The following PBX3 variants were observed in gnomAD, a reference collection of about 807,000 sequenced individuals.
PBX3 encodes the protein PBX homeobox 3.
PBX3 carries 14 observed loss-of-function variants against 48.5 expected under a neutral mutation model. That is an observed-to-expected ratio of 0.29 (90% confidence interval 0.19 to 0.45). The LOEUF (loss-of-function observed/expected upper bound fraction) is 0.45. Among genes scored for constraint, PBX3 ranks in the 20% least tolerant of loss-of-function variants. The probability of loss-of-function intolerance (pLI) is 1.00; values close to 1 mark genes in which losing one functional copy is unlikely to be tolerated. For missense variants in PBX3, 386 were observed against 546.7 expected (o/e 0.71, Z 2.93); for synonymous variants, 210 against 200.3 (o/e 1.05, Z -0.41).
Position 125,795,027 on chromosome 9 carries a change from A to G in PBX3, c.274+46404A>G, listed in dbSNP as rs777169575. On this transcript the variant is annotated intron_variant, in intron 2 of 8. Coordinates refer to ENST00000373489, the MANE Select transcript of PBX3 (RefSeq NM_006195.6). ...ACCAGCCTTTTACTAATGGTGGTGT[A>G]CAAATAGCCACTGGCTTCATCCTCA... Among the ~76,000 whole-genome samples the G allele has an allele frequency of 1.2e-4, 18 of 152,370 alleles. No homozygotes were observed. In the South Asian group the frequency reaches 1.2e-3, roughly 11 times the overall value.
intron 2 of PBX3, among the ~76,000 whole-genome samples, chr9:125,826,463 T>C (rs1200245387): frequency 1.3e-5 from 2 of 152,136 alleles, no homozygotes; most frequent in Non-Finnish European, 2.9e-5. Context: ...CATTGGTGAT[T>C]ATGGGATTTT....
intron 5 of PBX3, among the ~76,000 whole-genome samples, chr9:125,954,410 T>C (rs928074855): frequency 2.0e-5 from 3 of 152,254 alleles, no homozygotes; most frequent in African/African-American, 7.2e-5. Flanking sequence ...AATTTCCATA[T>C]ATTCCTTTTG....
At chr9:125,960,978 A>C in intron 6 of PBX3, 129 bp downstream of exon 6, 1 of 917,714 alleles carries the variant, frequency 1.1e-6, no homozygotes, top group Non-Finnish European at 1.6e-6. Context: ...TTATGTTCAA[A>C]TGCAGGCTTG....
intron 7 of PBX3, 122 bp downstream of exon 7, chr9:125,962,336 C>T: frequency 1.9e-6 from 1 of 539,670 alleles, no homozygotes; most frequent in Non-Finnish European, 3.3e-6. Context: ...GTGCTTCCAA[C>T]CAGGACCCAT....
chr9:125,748,458 T>G, intron 1 of PBX3, 92 bp from the exon 2 acceptor site: 1 of 1,543,990 alleles, frequency 6.5e-7, no homozygotes, highest in African/African-American at 1.4e-5. Flanking sequence ...AATGGGGGGC[T>G]GGAATTAAAT....
chr9:125,912,916 A>G (rs1841236314), intron 2 of PBX3, among the ~76,000 whole-genome samples: 1 of 152,194 alleles, frequency 6.6e-6, no homozygotes, highest in Non-Finnish European at 1.5e-5. Context: ...GTAACTCTAG[A>G]AAGTTAGTAA....
intron 2 of PBX3, among the ~76,000 whole-genome samples, chr9:125,879,501 T>C (rs1840333555): frequency 6.6e-6 from 1 of 152,244 alleles, no homozygotes; most frequent in African/African-American, 2.4e-5. Flanking sequence ...AAAAGTTGAT[T>C]AATTTCAAAC....
chr9:125,940,364 A>C (rs1841934276), intron 5 of PBX3, among the ~76,000 whole-genome samples: 1 of 152,226 alleles, frequency 6.6e-6, no homozygotes, highest in African/African-American at 2.4e-5. Flanking sequence ...CAGTTATTAA[A>C]TCTAAGTAAC....
chr9:125,856,647 C>T (rs1443791927), intron 2 of PBX3, among the ~76,000 whole-genome samples: 1 of 152,168 alleles, frequency 6.6e-6, no homozygotes, highest in Non-Finnish European at 1.5e-5. Context: ...ACAAACTGCT[C>T]TTAAAGCTGT....
intron 5 of PBX3, among the ~76,000 whole-genome samples, chr9:125,940,688 A>G (rs572356736): frequency 3.9e-5 from 6 of 152,274 alleles, no homozygotes; most frequent in Admixed American, 3.9e-4. Flanking sequence ...AACTATAACT[A>G]TATGTAACTA....
chr9:125,750,226 TAA>T (rs1055602173), intron 2 of PBX3, among the ~76,000 whole-genome samples: 1 of 152,222 alleles, frequency 6.6e-6, no homozygotes, highest in African/African-American at 2.4e-5. Context: ...TTGTGAATAT[TAA>T]GATTGATTCG....
intron 2 of PBX3, among the ~76,000 whole-genome samples, chr9:125,908,305 C>A (rs1439407440): frequency 2.0e-5 from 3 of 151,966 alleles, no homozygotes; most frequent in African/African-American, 7.2e-5. Context: ...AGGGAGCAGG[C>A]GCACAGTGTA....
chr9:125,942,497 T>A (rs1428229542), intron 5 of PBX3, among the ~76,000 whole-genome samples: 1 of 152,178 alleles, frequency 6.6e-6, no homozygotes, highest in Non-Finnish European at 1.5e-5. Context: ...TTAAAAAAAC[T>A]ATTAAAATAA....
intron 2 of PBX3, among the ~76,000 whole-genome samples, chr9:125,816,309 T>G (rs1402793103): frequency 1.3e-5 from 2 of 152,076 alleles, no homozygotes; most frequent in African/African-American, 4.8e-5. Context: ...TTCCCCCTTC[T>G]CAATGGTATA....
intron 2 of PBX3, among the ~76,000 whole-genome samples, chr9:125,840,700 A>T (rs548056357): frequency 1.3e-5 from 2 of 152,004 alleles, no homozygotes; most frequent in Non-Finnish European, 2.9e-5. Flanking sequence ...AAAATATGCT[A>T]TATGTCTTTT....
At chr9:125,886,707 T>C (rs1053808879) in intron 2 of PBX3, among the ~76,000 whole-genome samples, 1 of 152,198 alleles carries the variant, frequency 6.6e-6, no homozygotes, top group African/African-American at 2.4e-5. Flanking sequence ...TTTTATGAAT[T>C]AATGGATGGT....
At chr9:125,797,031 A>G (rs1045589285) in intron 2 of PBX3, among the ~76,000 whole-genome samples, 4 of 152,116 alleles carry the variant, frequency 2.6e-5, no homozygotes, top group African/African-American at 9.7e-5. Context: ...TGAAACACCC[A>G]GTTGCCATTA....
rs142904985 is a variant in PBX3 at position 125,890,281 on chromosome 9, A to G, written c.275-25405A>G. Among the ~76,000 whole-genome samples, 1,044 of 152,304 alleles carry G rather than the reference A, an allele frequency of 6.9e-3. 4 individuals are homozygous for G. The highest frequency in any genetic ancestry group is 0.027 in the Middle Eastern group (8 of 294). On this transcript the variant is annotated intron_variant, in intron 2 of 8. Coordinates refer to ENST00000373489, the MANE Select transcript of PBX3 (RefSeq NM_006195.6). The stretch of plus-strand genomic sequence containing the variant: ...AATGGTGGTTGAGAAAAAAATAACT[A>G]AGCCTTCACCATAAGTATGAAACAT...
intron 2 of PBX3, among the ~76,000 whole-genome samples, chr9:125,768,989 G>T (rs995621601): frequency 6.6e-6 from 1 of 152,150 alleles, no homozygotes; most frequent in Non-Finnish European, 1.5e-5. Context: ...TAAGCAGCTA[G>T]TTCAGCTTGC....
Sources: gnomAD v4.1 joint callset for allele counts (sites outside exome capture counted in the v4.1 genomes callset) on GRCh38, gnomAD v4.1.1 for gene constraint, MANE v1.5 for transcripts, NCBI Gene and HGNC (gene_info 2026-07-23, HGNC 2026-07-21) for gene names.